NSRP1: variants seen among roughly 807,000 people sequenced by gnomAD.
NSRP1 encodes coiled-coil domain containing 55.
A neutral mutation model predicts 54.7 loss-of-function variants in NSRP1; 24 were observed. That is an observed-to-expected ratio of 0.44 (90% CI 0.32 to 0.62). NSRP1 has a LOEUF of 0.62. NSRP1 is among the 20% of genes least tolerant of loss of function. NSRP1 has a pLI of 0.06. For missense variants in NSRP1, 596 were observed against 651.2 expected (o/e 0.92, Z 0.92); for synonymous variants, 210 against 213.8 (o/e 0.98, Z 0.15).
intron 6 of NSRP1, among the ~76,000 whole-genome samples, chr17:30,181,398 CTTTTTTTT>C (rs61484398): frequency 8.2e-6 from 1 of 121,906 alleles, no homozygotes; most frequent in Admixed American, 8.5e-5. Context: ...TTTCTTTTTT[CTTTTTTTT>C]TTTTTTTTTT....
Position 30,180,922 on chromosome 17 carries a change from A to G in NSRP1, c.523A>G (p.Thr175Ala), listed in dbSNP as rs765176858. The G allele has an allele frequency of 6.2e-7, 1 of 1,611,688 alleles. No individual in the cohort carries two copies. The highest frequency in any genetic ancestry group is 1.1e-5 in the South Asian group (1 of 90,988). ...AAALEACLDV[T>A]KQKDLSGFYR... ...CCCTCTGTTAGCATGTTTGGATGTA[A>G]CCAAGCAGAAAGATCTCAGTGGATT... Residue 175 changes from threonine (T) to alanine (A), a missense_variant, in exon 6 of 7, where the codon ACC (threonine) becomes GCC (alanine). By Grantham distance (58) the Thr-to-Ala change is moderately conservative (BLOSUM62 0). Transcript: ENST00000247026.
intron 2 of NSRP1, among the ~76,000 whole-genome samples, chr17:30,132,736 G>A (rs1489226640): frequency 3.3e-5 from 5 of 152,158 alleles, no homozygotes; most frequent in Non-Finnish European, 5.9e-5. Context: ...TTCATCTACT[G>A]AAGTCTTGAA....
chr17:30,184,765 G>A lies in NSRP1; in HGVS notation c.768G>A (p.Ala256=), dbSNP rs117414528. ...ADSDFDAKSS[A]DDEIEETRVN... ...GTGACTTCGATGCTAAGAGCAGTGC[G>A]GATGATGAAATAGAAGAAACTAGAG... is the stretch of plus-strand genomic sequence containing the variant. The change falls in exon 7 of 7, where the codon GCG becomes GCA. Residue 256 remains alanine (A), a synonymous_variant. Coordinates refer to ENST00000247026, the MANE Select transcript of NSRP1 (RefSeq NM_032141.4). The A allele has an allele frequency of 1.5e-3, 2,443 of 1,613,956 alleles. 3 individuals carry two copies. Among genetic ancestry groups the A allele is most frequent in the South Asian group, 3.8e-3 (347 of 91,028 alleles).
rs1567810038 is a variant in NSRP1 at position 30,185,842 on chromosome 17, T to C, written c.*168T>C. ...GTCTTACAGCTTGGATGTTTGGATGTGGATGTTTGGCTGAATTTATATATA... is the reference window on the plus strand; with the variant it reads ...GTCTTACAGCTTGGATGTTTGGATGCGGATGTTTGGCTGAATTTATATATA... On this transcript the variant is annotated 3_prime_UTR_variant, in exon 7 of 7. Coordinates refer to ENST00000247026, the MANE Select transcript of NSRP1 (RefSeq NM_032141.4). 2 of 640,680 alleles carry C rather than the reference T, an allele frequency of 3.1e-6. No individual in the cohort carries two copies. The highest frequency in any genetic ancestry group is 2.9e-5 in the East Asian group (1 of 34,214). The allele number at this position is 640,680 out of a possible 1,614,324, so 39.7% of individuals were successfully genotyped here.
intron 2 of NSRP1, among the ~76,000 whole-genome samples, chr17:30,169,397 G>C (rs964544390): frequency 3.3e-5 from 5 of 152,030 alleles, no homozygotes; most frequent in African/African-American, 4.8e-5. Context: ...AAAACATCCA[G>C]CATTTGGAGA....
chr17:30,162,084 C>T (rs909265996), intron 2 of NSRP1, among the ~76,000 whole-genome samples: 3 of 149,536 alleles, frequency 2.0e-5, no homozygotes, highest in African/African-American at 7.4e-5. Flanking sequence ...TGCAGTGGCG[C>T]AGTCTCAGCT....
At chr17:30,119,479 G>A (rs1369008748) in intron 2 of NSRP1, among the ~76,000 whole-genome samples, 1 of 152,024 alleles carries the variant, frequency 6.6e-6, no homozygotes, top group Admixed American at 6.5e-5. Flanking sequence ...CCAAAGTGTT[G>A]GGATTACAGG....
rs1597600811 is a variant in NSRP1, at chr17:30,138,920, T to TTTTG, written c.114+20750_114+20751insGTTT. 2.2e-5 allele frequency among the ~76,000 whole-genome samples: 3 copies of TTTTG among 133,448 alleles called. No individual in the cohort carries two copies. In the East Asian group the frequency reaches 6.8e-4, roughly 30 times the overall value. 87.5% of individuals were successfully genotyped at this position (133,448 alleles called of 152,430 possible). ...TCTCAAGTCTTAGCGTTTTTTTTTT[T>TTTTG]TTTTTTTTTTTTTTTGAGATGGAGT... On this transcript the variant is annotated intron_variant, in intron 2 of 6. Transcript: ENST00000247026.
intron 2 of NSRP1, among the ~76,000 whole-genome samples, chr17:30,165,026 T>C (rs760767144): frequency 6.6e-6 from 1 of 152,208 alleles, no homozygotes; most frequent in Non-Finnish European, 1.5e-5. Flanking sequence ...GAAATGTTTT[T>C]GCGATATTTA....
At chr17:30,126,162 C>G (rs2071647630) in intron 2 of NSRP1, 1 of 152,140 alleles carries the variant, frequency 6.6e-6, no homozygotes, top group Non-Finnish European at 1.5e-5. Flanking sequence ...AATCACTGAT[C>G]CTCAGTCCTG....
At chr17:30,161,159 T>C (rs990426799) in intron 2 of NSRP1, among the ~76,000 whole-genome samples, 4 of 152,202 alleles carry the variant, frequency 2.6e-5, no homozygotes, top group African/African-American at 9.6e-5. Context: ...GTTTCTGGGT[T>C]TTGGCTATTA....
At chr17:30,121,759 G>A (rs534477749) in intron 2 of NSRP1, among the ~76,000 whole-genome samples, 24 of 152,048 alleles carry the variant, frequency 1.6e-4, no homozygotes, top group Middle Eastern at 3.4e-3. Flanking sequence ...TAGTAGAGAC[G>A]GAGTTTCACC....
chr17:30,134,831 G>C (rs1030891840), intron 2 of NSRP1, among the ~76,000 whole-genome samples: 1 of 152,112 alleles, frequency 6.6e-6, no homozygotes, highest in Admixed American at 6.5e-5. Flanking sequence ...TGACTTCAAA[G>C]GGTCAATCTT....
chr17:30,121,655 C>T (rs1386393810), intron 2 of NSRP1, among the ~76,000 whole-genome samples: 1 of 149,338 alleles, frequency 6.7e-6, no homozygotes, highest in African/African-American at 2.5e-5. Context: ...CTGCAACCTC[C>T]ACCTCCCGGG....
intron 2 of NSRP1, among the ~76,000 whole-genome samples, chr17:30,131,698 AG>A (rs1286491455): frequency 6.6e-6 from 1 of 152,090 alleles, no homozygotes; most frequent in Admixed American, 6.5e-5. Flanking sequence ...TGTTTGCTGA[AG>A]GCTGGGTGGC....
intron 2 of NSRP1, among the ~76,000 whole-genome samples, chr17:30,131,519 G>GT (rs1383189197): frequency 5.5e-5 from 8 of 146,348 alleles, no homozygotes; most frequent in African/African-American, 1.0e-4. Context: ...CTATGCTGTA[G>GT]TTTTTAAAGT....
intron 2 of NSRP1, among the ~76,000 whole-genome samples, chr17:30,138,666 C>A (rs1264600218): frequency 6.6e-6 from 1 of 151,864 alleles, no homozygotes; most frequent in Non-Finnish European, 1.5e-5. Flanking sequence ...TACAGAGGGC[C>A]AACTGTATAC....
rs1319349706 is a variant in NSRP1 at position 30,185,231 on chromosome 17, G to A, written c.1234G>A (p.Glu412Lys). 3 of 1,562,622 alleles carry A rather than the reference G, an allele frequency of 1.9e-6. No individual in the cohort carries two copies. Among genetic ancestry groups the A allele is most frequent in the South Asian group, 2.3e-5 (2 of 86,496 alleles). Residue 412 changes from glutamate to lysine, a missense_variant, in exon 7 of 7, where the codon GAG becomes AAG. Transcript: ENST00000247026. ...ACCCAGTGAGAAAGGAGAGAAGGAAGAGAAAAGCAAAGCAAAGGAAGAGCA... is the reference window on the plus strand; with the variant it reads ...ACCCAGTGAGAAAGGAGAGAAGGAAAAGAAAAGCAAAGCAAAGGAAGAGCA... ...NRPSEKGEKEEKSKAKEEHMK... is the reference protein window; with the variant it reads ...NRPSEKGEKEKKSKAKEEHMK...
chr17:30,118,013 T>C (rs560557290), intron 1 of NSRP1, 67 bp from the exon 2 acceptor site: 297 of 1,181,420 alleles, frequency 2.5e-4, no homozygotes, highest in Non-Finnish European at 3.5e-4. Context: ...GTGGAAGAGG[T>C]AGTAGATGTA....
Sources: allele counts gnomAD v4.1 joint callset (sites outside exome capture counted in the v4.1 genomes callset), GRCh38; gene constraint gnomAD v4.1.1; transcripts MANE v1.5; gene names NCBI Gene and HGNC (gene_info 2026-07-23, HGNC 2026-07-21).